Variants in CMSS1 observed in about 807,000 individuals in gnomAD.
The protein encoded by CMSS1 is protein CMSS1.
CMSS1 carries 33 observed loss-of-function variants against 43.5 expected under a neutral mutation model. The ratio of observed to expected loss-of-function variants is 0.76; its 90% CI spans 0.57 to 1.01. CMSS1 has a LOEUF of 1.01. Among genes scored for constraint, CMSS1 ranks in the 50% least tolerant of loss-of-function variants. CMSS1 has a pLI of 0.00. For synonymous variants in CMSS1, 115 were observed against 117.2 expected (o/e 0.98, Z 0.12); for missense variants, 313 against 326.4 (o/e 0.96, Z 0.32).
intron 1 of CMSS1, among the ~76,000 whole-genome samples, chr3:99,883,616 A>C (rs1007707960): frequency 2.0e-5 from 3 of 152,216 alleles, no homozygotes; most frequent in Admixed American, 1.3e-4. Flanking sequence ...TCAGTCTTCT[A>C]ATGAACAACT....
chr3:100,077,450 G>T lies in CMSS1; in HGVS notation c.65-69523G>T, dbSNP rs748505110. ...AAAGGTGGTTAGCTATTAAGCCATG[G>T]CTGGATTTTATAGCACAAAAAGTTA... On this transcript the variant is annotated intron_variant, in intron 1 of 9. Coordinates refer to ENST00000421999, the MANE Select transcript of CMSS1 (RefSeq NM_032359.4). 6.4e-4 allele frequency among the ~76,000 whole-genome samples: 97 copies of T among 152,318 alleles called. 1 individual carries two copies. Among genetic ancestry groups the T allele is most frequent in the Middle Eastern group, 3.4e-3 (1 of 294 alleles).
chr3:100,025,629 A>G (rs2064905825), intron 1 of CMSS1: 1 of 152,158 alleles, frequency 6.6e-6, no homozygotes, highest in African/African-American at 2.4e-5. Flanking sequence ...AAGTGAAACA[A>G]GTCTTTGGGT....
At position 99,848,109 on chromosome 3, in the gene CMSS1, A is replaced by G. The variant is rs1010246088; in HGVS notation, c.64+30066A>G. The G allele has an allele frequency of 1.5e-5, 22 of 1,447,634 alleles. 1 individual carries two copies. In the Admixed American group the frequency reaches 2.5e-4, roughly 16 times the overall value. 89.7% of individuals were successfully genotyped at this position (1,447,634 alleles called of 1,614,324 possible). On this transcript the variant is annotated intron_variant, in intron 1 of 9. Transcript: ENST00000421999. The stretch of plus-strand genomic sequence containing the variant: ...GATATACAGTAAGTGCACACTCGAT[A>G]TGACTATGCAGGCAACAGTTAGTTT...
chr3:99,966,964 A>G (rs758666355), intron 1 of CMSS1, among the ~76,000 whole-genome samples: 2 of 152,176 alleles, frequency 1.3e-5, no homozygotes, highest in Non-Finnish European at 2.9e-5. Context: ...CCCACATGCT[A>G]TACAGGTGGG....
intron 1 of CMSS1, among the ~76,000 whole-genome samples, chr3:99,949,075 G>A (rs1432902237): frequency 6.6e-6 from 1 of 152,074 alleles, no homozygotes; most frequent in Non-Finnish European, 1.5e-5. Flanking sequence ...ATAAATTTTG[G>A]TGAGTAAATT....
At chr3:100,063,149 G>C (rs1167449907) in intron 1 of CMSS1, among the ~76,000 whole-genome samples, 3 of 152,026 alleles carry the variant, frequency 2.0e-5, no homozygotes, top group Admixed American at 1.3e-4. Flanking sequence ...TTTTACTGCT[G>C]AGGTATCAGT....
chr3:99,919,840 C>A (rs1707068335), intron 1 of CMSS1, among the ~76,000 whole-genome samples: 1 of 152,058 alleles, frequency 6.6e-6, no homozygotes, highest in Non-Finnish European at 1.5e-5. Context: ...AAGAACTTCC[C>A]AGGGTGTGGT....
intron 1 of CMSS1, among the ~76,000 whole-genome samples, chr3:99,999,964 C>T (rs1709795384): frequency 6.6e-6 from 1 of 152,268 alleles, no homozygotes; most frequent in East Asian, 1.9e-4. Context: ...GACTCTAGAA[C>T]AGTGATTCTC....
chr3:99,915,716 A>G (rs1706930213), intron 1 of CMSS1, among the ~76,000 whole-genome samples: 1 of 152,078 alleles, frequency 6.6e-6, no homozygotes, highest in Non-Finnish European at 1.5e-5. Context: ...CAATTCTCCT[A>G]CACTAAAGGA....
chr3:100,136,253 C>CA (rs916023350), intron 1 of CMSS1, among the ~76,000 whole-genome samples: 14 of 150,864 alleles, frequency 9.3e-5, no homozygotes, highest in African/African-American at 2.7e-4. Flanking sequence ...TGTTAGACAG[C>CA]AAAAAAGCAA....
intron 1 of CMSS1, among the ~76,000 whole-genome samples, chr3:99,998,402 A>G (rs1055442777): frequency 1.3e-5 from 2 of 152,196 alleles, no homozygotes; most frequent in Non-Finnish European, 2.9e-5. Context: ...TTGTATACCA[A>G]CACATTCTTT....
chr3:100,083,789 G>T (rs1025805493), intron 1 of CMSS1, among the ~76,000 whole-genome samples: 3 of 152,070 alleles, frequency 2.0e-5, no homozygotes, highest in African/African-American at 7.2e-5. Flanking sequence ...TGCCCAGGCT[G>T]GTTTCAAACT....
chr3:99,936,705 G>A (rs577058177), intron 1 of CMSS1, among the ~76,000 whole-genome samples: 1 of 150,424 alleles, frequency 6.6e-6, no homozygotes, highest in African/African-American at 2.5e-5. Flanking sequence ...CTTGCCAAAG[G>A]TCACACTGCT....
intron 1 of CMSS1, among the ~76,000 whole-genome samples, chr3:99,911,894 C>T (rs1270190985): frequency 6.6e-6 from 1 of 152,088 alleles, no homozygotes; most frequent in Non-Finnish European, 1.5e-5. Flanking sequence ...AACAAATATC[C>T]CCCATTTTCT....
At chr3:100,060,071 C>G (rs184046970) in intron 1 of CMSS1, among the ~76,000 whole-genome samples, 186 of 152,058 alleles carry the variant, frequency 1.2e-3, no homozygotes, top group Non-Finnish European at 2.2e-3. Context: ...AAGATGGGCT[C>G]CAGGTACATG....
intron 1 of CMSS1, among the ~76,000 whole-genome samples, chr3:99,882,778 T>G (rs1203049893): frequency 2.6e-5 from 4 of 152,238 alleles, no homozygotes; most frequent in Non-Finnish European, 5.9e-5. Context: ...TTTACCTAGC[T>G]TATACTAACT....
chr3:99,912,631 G>A (rs971826604), intron 1 of CMSS1, among the ~76,000 whole-genome samples: 1 of 152,130 alleles, frequency 6.6e-6, no homozygotes, highest in East Asian at 1.9e-4. Context: ...ACCTGCCTCA[G>A]CCTCCCAAAG....
At chr3:99,934,202 A>G (rs1490189929) in intron 1 of CMSS1, among the ~76,000 whole-genome samples, 1 of 152,222 alleles carries the variant, frequency 6.6e-6, no homozygotes, top group Non-Finnish European at 1.5e-5. Flanking sequence ...ATGTCAGCCC[A>G]GATTCAAGAT....
At chr3:99,964,779 A>G (rs1311319132) in intron 1 of CMSS1, among the ~76,000 whole-genome samples, 1 of 152,062 alleles carries the variant, frequency 6.6e-6, no homozygotes, top group Non-Finnish European at 1.5e-5. Context: ...AATGCCCAGA[A>G]ACCTCCAGGC....
Sources: gnomAD v4.1 joint callset for allele counts (sites outside exome capture counted in the v4.1 genomes callset) on GRCh38, gnomAD v4.1.1 for gene constraint, MANE v1.5 for transcripts, NCBI Gene and HGNC (gene_info 2026-07-23, HGNC 2026-07-21) for gene names.